The following GRIA2 variants were observed in gnomAD, a reference collection of about 807,000 sequenced individuals.
The protein encoded by GRIA2 is glutamate receptor 2.
In GRIA2, 14 loss-of-function variants were observed where a neutral mutation model predicts 97.3. That is an observed-to-expected ratio of 0.14 (90% CI 0.10 to 0.23). The LOEUF is 0.23. Ranked by LOEUF, GRIA2 falls within the 10% of genes least tolerant of loss-of-function variation. The probability of loss-of-function intolerance (pLI) is 1.00; values close to 1 mark genes in which losing one functional copy is unlikely to be tolerated. For missense variants in GRIA2, 558 were observed against 1,069.8 expected, an observed-to-expected ratio of 0.52 and a Z score of 6.67; for synonymous variants, 412 against 387.8, an observed-to-expected ratio of 1.06 and a Z score of -0.73.
intron 2 of GRIA2, among the ~76,000 whole-genome samples, chr4:157,296,945 T>A (rs937689358): frequency 6.6e-6 from 1 of 152,182 alleles, no homozygotes; most frequent in African/African-American, 2.4e-5. Context: ...GGCAGATTGC[T>A]TTAGAATCAC....
intron 6 of GRIA2, among the ~76,000 whole-genome samples, chr4:157,322,784 G>A (rs1734633679): frequency 6.6e-6 from 1 of 152,138 alleles, no homozygotes; most frequent in East Asian, 1.9e-4. Context: ...GCAGGACAGT[G>A]TTATTTCAGT....
intron 2 of GRIA2, among the ~76,000 whole-genome samples, chr4:157,284,659 A>T (rs1424801815): frequency 6.6e-6 from 1 of 151,714 alleles, no homozygotes; most frequent in Non-Finnish European, 1.5e-5. Flanking sequence ...CTTACTACTC[A>T]TATGGTTTAC....
At chr4:157,299,149 A>T (rs915534266) in intron 2 of GRIA2, among the ~76,000 whole-genome samples, 6 of 152,264 alleles carry the variant, frequency 3.9e-5, no homozygotes, top group African/African-American at 1.4e-4. Context: ...TTTAAGAGGC[A>T]AATTTTGGTC....
intron 2 of GRIA2, among the ~76,000 whole-genome samples, chr4:157,243,906 G>A (rs535260212): frequency 3.3e-5 from 5 of 151,838 alleles, no homozygotes; most frequent in African/African-American, 1.2e-4. Context: ...ATGTTAGAAT[G>A]GGTGAATGAT....
At chr4:157,359,349 G>T (rs1321368942) in intron 12 of GRIA2, among the ~76,000 whole-genome samples, 1 of 152,096 alleles carries the variant, frequency 6.6e-6, no homozygotes, top group South Asian at 2.1e-4. Context: ...AATGGCCAAA[G>T]AATATTCTTT....
At chr4:157,287,782 C>A (rs1357197022) in intron 2 of GRIA2, among the ~76,000 whole-genome samples, 1 of 151,448 alleles carries the variant, frequency 6.6e-6, no homozygotes, top group Non-Finnish European at 1.5e-5. Flanking sequence ...TAGGGAGTAT[C>A]CAAAGTCTTT....
At chr4:157,239,445 G>T (rs532998781) in intron 2 of GRIA2, among the ~76,000 whole-genome samples, 5 of 151,868 alleles carry the variant, frequency 3.3e-5, no homozygotes, top group Non-Finnish European at 1.5e-5. Flanking sequence ...AAGACAGAAT[G>T]GAAAAGAACT....
At chr4:157,278,087 G>T (rs1476414071) in intron 2 of GRIA2, among the ~76,000 whole-genome samples, 1 of 151,322 alleles carries the variant, frequency 6.6e-6, no homozygotes, top group African/African-American at 2.4e-5. Context: ...CAGAACCTCA[G>T]CCAGTTATTG....
chr4:157,273,118 T>C (rs1241837535), intron 2 of GRIA2, among the ~76,000 whole-genome samples: 2 of 152,070 alleles, frequency 1.3e-5, no homozygotes, highest in Non-Finnish European at 1.5e-5. Flanking sequence ...TTACATAGCA[T>C]TTTTATTATA....
In GRIA2 at chr4:157,221,826, T is replaced by C; in HGVS notation, c.229+19T>C. 6.2e-7 allele frequency: 1 copy of C among 1,612,384 alleles called. No homozygotes were observed. Among genetic ancestry groups the C allele is most frequent in the Admixed American group, 1.7e-5 (1 of 60,012 alleles). On this transcript the variant is annotated intron_variant, in intron 2 of 15. Transcript: ENST00000264426. ...AATGCTTGTAAGTAATGAATATTCATGCCTTTCGGGTGCTGCACGCGGAAG... is the reference window on the plus strand; with the variant it reads ...AATGCTTGTAAGTAATGAATATTCACGCCTTTCGGGTGCTGCACGCGGAAG...
intron 6 of GRIA2, among the ~76,000 whole-genome samples, chr4:157,323,661 C>A (rs796460402): frequency 2.0e-5 from 3 of 152,256 alleles, no homozygotes; most frequent in South Asian, 2.1e-4. Flanking sequence ...AGCATGAAAG[C>A]AAAATGAAAT....
At chr4:157,334,164 G>A (rs1735183223) in intron 9 of GRIA2, 44 bp downstream of exon 9, 2 of 915,980 alleles carry the variant, frequency 2.2e-6, no homozygotes, top group Non-Finnish European at 3.7e-6. Flanking sequence ...ATTTTCTTAT[G>A]GCTAATATCT....
intron 6 of GRIA2, among the ~76,000 whole-genome samples, chr4:157,330,127 G>T (rs1156414022): frequency 1.3e-5 from 2 of 151,830 alleles, no homozygotes; most frequent in South Asian, 2.1e-4. Flanking sequence ...CCTTTTCAAC[G>T]CTCTTGTAAC....
At chr4:157,254,762 G>A (rs1420737502) in intron 2 of GRIA2, among the ~76,000 whole-genome samples, 1 of 151,782 alleles carries the variant, frequency 6.6e-6, no homozygotes, top group African/African-American at 2.4e-5. Context: ...TTTGTTCTTG[G>A]GATATTCACT....
chr4:157,353,712 C>CA (rs1293624318), intron 12 of GRIA2, among the ~76,000 whole-genome samples: 1 of 151,558 alleles, frequency 6.6e-6, no homozygotes, highest in Admixed American at 6.6e-5. Context: ...AACAAAAAAA[C>CA]AAAAAAACCT....
chr4:157,251,443 T>A (rs1308448849), intron 2 of GRIA2, among the ~76,000 whole-genome samples: 4 of 152,156 alleles, frequency 2.6e-5, no homozygotes, highest in Non-Finnish European at 5.9e-5. Flanking sequence ...TTCAGCCCAT[T>A]CATTAACTCA....
intron 2 of GRIA2, among the ~76,000 whole-genome samples, chr4:157,235,905 A>T (rs1323400389): frequency 1.3e-5 from 2 of 152,018 alleles, no homozygotes; most frequent in African/African-American, 4.8e-5. Flanking sequence ...TTTAAATAGT[A>T]AGTTTTACAA....
chr4:157,256,235 TATATATATATAATATATAA>T (rs879527798), intron 2 of GRIA2, among the ~76,000 whole-genome samples: 3,694 of 89,596 alleles, frequency 0.041, 109 homozygotes, highest in Middle Eastern at 0.086. Context: ...TAATATATAA[TATATATATATAATATATAA>T]ATTATATATT....
intron 1 of GRIA2, 191 bp from the exon 2 acceptor site, chr4:157,221,476 C>T (rs1729490292): frequency 1.7e-6 from 1 of 592,482 alleles, no homozygotes; most frequent in Non-Finnish European, 3.0e-6. Context: ...CGCCTTCAGA[C>T]TCTCATCTGG....
Sources: gnomAD v4.1 joint callset for allele counts (sites outside exome capture counted in the v4.1 genomes callset) on GRCh38, gnomAD v4.1.1 for gene constraint, MANE v1.5 for transcripts, NCBI Gene and HGNC (gene_info 2026-07-23, HGNC 2026-07-21) for gene names.